Variants in GRIN2A observed in about 807,000 individuals in gnomAD.
The protein encoded by GRIN2A is glutamate ionotropic receptor NMDA type subunit 2A, also known as glutamate receptor ionotropic, NMDA 2A.
In GRIN2A, 22 loss-of-function variants were observed where a neutral mutation model predicts 113.4. The ratio of observed to expected loss-of-function variants is 0.19; its 90% CI spans 0.14 to 0.28. The LOEUF is 0.28. Ranked by LOEUF, GRIN2A falls within the 10% of genes least tolerant of loss-of-function variation. The pLI is 1.00. For missense variants in GRIN2A, 1,502 were observed against 1,887.0 expected, an observed-to-expected ratio of 0.80 and a Z score of 3.78; for synonymous variants, 827 against 738.4, an observed-to-expected ratio of 1.12 and a Z score of -1.94.
intron 2 of GRIN2A, among the ~76,000 whole-genome samples, chr16:9,949,160 T>A (rs2045103454): frequency 6.6e-6 from 1 of 152,130 alleles, no homozygotes; most frequent in Admixed American, 6.6e-5. Flanking sequence ...CGTCACCAGG[T>A]ATTTTAGGTG....
At chr16:9,814,635 C>T (rs907917656) in intron 10 of GRIN2A, among the ~76,000 whole-genome samples, 2 of 152,282 alleles carry the variant, frequency 1.3e-5, no homozygotes, top group Admixed American at 6.5e-5. Context: ...CCTGTTTAGT[C>T]ACTACAGAAC....
chr16:9,910,537 C>CTTTTTT (rs35352418), intron 3 of GRIN2A, among the ~76,000 whole-genome samples: 93 of 123,272 alleles, frequency 7.5e-4, no homozygotes, highest in African/African-American at 2.0e-3. Context: ...TCTCAGAGTT[C>CTTTTTT]TTTTTTTTTT....
At chr16:10,079,845 G>A (rs984613255) in intron 2 of GRIN2A, among the ~76,000 whole-genome samples, 2 of 152,228 alleles carry the variant, frequency 1.3e-5, no homozygotes, top group African/African-American at 4.8e-5. Flanking sequence ...ACAGAAAGAA[G>A]GTTGCTATGA....
chr16:10,112,393 G>T (rs900296321), intron 2 of GRIN2A: 10 of 692,228 alleles, frequency 1.4e-5, no homozygotes, highest in Non-Finnish European at 2.4e-5. Flanking sequence ...GTGATGGCCT[G>T]CGGTCAGCCC....
At chr16:10,117,914 G>T (rs2048760002) in intron 2 of GRIN2A, among the ~76,000 whole-genome samples, 1 of 152,172 alleles carries the variant, frequency 6.6e-6, no homozygotes, top group South Asian at 2.1e-4. Flanking sequence ...CTTTATCCCT[G>T]TGGACTGGGC....
chr16:10,043,338 C>G (rs1489353610), intron 2 of GRIN2A, among the ~76,000 whole-genome samples: 1 of 152,168 alleles, frequency 6.6e-6, no homozygotes, highest in Non-Finnish European at 1.5e-5. Context: ...ACCCACCAGG[C>G]TGATGATCAA....
In GRIN2A at chr16:9,763,179, C is replaced by A. The variant is rs1900663007; in HGVS notation, c.4365G>T (p.Lys1455Asn). 2 of 1,614,016 alleles carry A rather than the reference C, an allele frequency of 1.2e-6. No individual in the cohort carries two copies. The change falls in exon 13 of 13, where the codon AAG becomes AAT. Residue 1455 changes from lysine to asparagine, a missense_variant. By Grantham distance (94) the Lys-to-Asn change is moderately conservative. Coordinates refer to ENST00000330684, the MANE Select transcript of GRIN2A (RefSeq NM_001134407.3). The part of the protein sequence containing the change: ...LNSCSNRRVY[K>N]KMPSIESDV ...CATCAGATTCGATACTAGGCATTTT[C>A]TTGTACACGCGTCTATTGCTGCAGG...
intron 9 of GRIN2A, among the ~76,000 whole-genome samples, chr16:9,825,685 C>T (rs1323367417): frequency 6.6e-6 from 1 of 152,058 alleles, no homozygotes; most frequent in African/African-American, 2.4e-5. Flanking sequence ...TGGTGAAGTC[C>T]CACGTGCTTC....
chr16:9,799,860 C>T (rs79926621), intron 10 of GRIN2A, among the ~76,000 whole-genome samples: 2 of 152,050 alleles, frequency 1.3e-5, no homozygotes, highest in East Asian at 3.9e-4. Context: ...CTTGAAATCA[C>T]CATGCAGTTC....
intron 2 of GRIN2A, among the ~76,000 whole-genome samples, chr16:10,038,355 C>G (rs993711134): frequency 6.6e-6 from 1 of 152,142 alleles, no homozygotes; most frequent in Non-Finnish European, 1.5e-5. Context: ...AACATTCAAA[C>G]CACAGCACTT....
intron 2 of GRIN2A, among the ~76,000 whole-genome samples, chr16:9,958,217 A>G (rs957831665): frequency 6.6e-5 from 10 of 152,230 alleles, no homozygotes; most frequent in South Asian, 2.1e-4. Context: ...CAATACATTT[A>G]GTTGTTATCA....
At chr16:10,120,373 C>T (rs2048809944) in intron 2 of GRIN2A, among the ~76,000 whole-genome samples, 1 of 152,286 alleles carries the variant, frequency 6.6e-6, no homozygotes, top group African/African-American at 2.4e-5. Context: ...GTCCATAGTG[C>T]CAAGGTTAAA....
intron 10 of GRIN2A, among the ~76,000 whole-genome samples, chr16:9,820,708 A>G (rs141120677): frequency 6.3e-4 from 96 of 152,292 alleles, no homozygotes; most frequent in Non-Finnish European, 8.7e-4. Context: ...ACGGCTTTAG[A>G]AGTGCAGGTG....
At chr16:9,968,926 A>G (rs2045615044) in intron 2 of GRIN2A, among the ~76,000 whole-genome samples, 1 of 152,198 alleles carries the variant, frequency 6.6e-6, no homozygotes, top group South Asian at 2.1e-4. Flanking sequence ...ACATATATTA[A>G]AGTAAAAAGA....
At chr16:9,807,486 A>C (rs2141259307) in intron 10 of GRIN2A, among the ~76,000 whole-genome samples, 1 of 152,086 alleles carries the variant, frequency 6.6e-6, no homozygotes, top group Admixed American at 6.5e-5. Flanking sequence ...AGATGAATGT[A>C]CCCACTTTGT....
At chr16:10,130,328 G>A (rs1199483161) in intron 2 of GRIN2A, among the ~76,000 whole-genome samples, 1 of 152,300 alleles carries the variant, frequency 6.6e-6, no homozygotes, top group East Asian at 1.9e-4. Flanking sequence ...CCACGTGGCT[G>A]ATCTATTTTC....
At chr16:9,995,197 T>C (rs961656898) in intron 2 of GRIN2A, among the ~76,000 whole-genome samples, 2 of 152,200 alleles carry the variant, frequency 1.3e-5, no homozygotes, top group South Asian at 4.2e-4. Flanking sequence ...GCCTGAATTA[T>C]AAGAAATCAG....
chr16:9,872,879 A>G (rs911467111), intron 4 of GRIN2A, among the ~76,000 whole-genome samples: 18 of 91,154 alleles, frequency 2.0e-4, no homozygotes, highest in African/African-American at 7.7e-4. Context: ...AAACAAAACA[A>G]AATAAAAACA....
chr16:9,783,469 G>A (rs1002992169), intron 11 of GRIN2A, among the ~76,000 whole-genome samples: 22 of 152,182 alleles, frequency 1.4e-4, no homozygotes, highest in African/African-American at 4.6e-4. Flanking sequence ...TGTCTATTTC[G>A]ATCCTTCCTG....
Sources: allele counts gnomAD v4.1 joint callset (sites outside exome capture counted in the v4.1 genomes callset), GRCh38; gene constraint gnomAD v4.1.1; transcripts MANE v1.5; gene names NCBI Gene and HGNC (gene_info 2026-07-23, HGNC 2026-07-21).